RRM2B: variants seen among roughly 807,000 people sequenced by gnomAD.
RRM2B encodes the protein ribonucleoside-diphosphate reductase subunit M2 B.
In RRM2B, 20 loss-of-function variants were observed where a neutral mutation model predicts 45.9. The ratio of observed to expected loss-of-function variants is 0.44; its 90% CI spans 0.31 to 0.63. The LOEUF (loss-of-function observed/expected upper bound fraction) is 0.63, where lower values mean the gene tolerates loss of function less well. Ranked by LOEUF, RRM2B falls within the 30% of genes least tolerant of loss-of-function variation. The pLI, the probability that RRM2B is intolerant of heterozygous loss-of-function variation, is 0.09. For synonymous variants in RRM2B, 124 were observed against 132.3 expected (o/e 0.94, Z 0.43); for missense variants, 320 against 414.7 (o/e 0.77, Z 1.98).
intron 1 of RRM2B, among the ~76,000 whole-genome samples, chr8:102,233,291 A>G (rs144902658): frequency 6.6e-6 from 1 of 152,332 alleles, no homozygotes; most frequent in African/African-American, 2.4e-5. Flanking sequence ...CCAAAATACA[A>G]GCATACGGCT....
At position 102,215,979 on chromosome 8, in the gene RRM2B, C is replaced by T. The variant is rs955485493; in HGVS notation, c.685-1821G>A. Reference sequence around the variant, plus strand: ...AAAAAAAAAAAAAGAATAGAATAAACGGACAGAATCTTGTAAGAACACTTT... The same window carrying T: ...AAAAAAAAAAAAAGAATAGAATAAATGGACAGAATCTTGTAAGAACACTTT... On this transcript the variant is annotated intron_variant, in intron 6 of 8. Coordinates refer to ENST00000251810, the MANE Select transcript of RRM2B (RefSeq NM_015713.5). 6.9e-5 allele frequency among the ~76,000 whole-genome samples: 9 copies of T among 130,998 alleles called. No homozygotes were observed. In the Admixed American group the frequency reaches 6.9e-4, roughly 10 times the overall value. 85.9% of individuals were successfully genotyped at this position (130,998 alleles called of 152,430 possible). A position where few individuals can be genotyped will look rare whatever the true frequency, so the allele number is the denominator to read the frequency against.
intron 5 of RRM2B, among the ~76,000 whole-genome samples, chr8:102,219,404 C>T (rs556969934): frequency 6.6e-6 from 1 of 152,168 alleles, no homozygotes; most frequent in African/African-American, 2.4e-5. Flanking sequence ...ATCTTACAGA[C>T]CATCTGCAAA....
chr8:102,221,810 A>C (rs1331263301), intron 5 of RRM2B, among the ~76,000 whole-genome samples: 1 of 152,118 alleles, frequency 6.6e-6, no homozygotes, highest in Non-Finnish European at 1.5e-5. Context: ...GGGCCTGCTC[A>C]TCATTTTTCA....
In RRM2B at chr8:102,208,226, TG is replaced by T. The variant is rs1435623358; in HGVS notation, c.962del (p.Thr321LysfsTer47). On this transcript the variant is annotated frameshift_variant, in exon 9 of 9. Transcript: ENST00000251810. LOFTEE classifies it high-confidence loss of function. ...CTGAAACTCGTTTCTCAAAGAAATT[TG>T]TTTTTCCTTCTAAAGAAATGTTTTC... ...FMENISLEGK[T>X]NFFEKRVSEY... 2 of 1,604,844 alleles carry T rather than the reference TG, an allele frequency of 1.2e-6. No individual in the cohort carries two copies. The highest frequency in any genetic ancestry group is 1.7e-6 in the Non-Finnish European group (2 of 1,172,168).
intron 6 of RRM2B, among the ~76,000 whole-genome samples, chr8:102,215,045 T>TAAAAAAAAAAA (rs3063793): frequency 3.2e-5 from 2 of 61,778 alleles, no homozygotes; most frequent in East Asian, 4.7e-4. Flanking sequence ...AGCTAAATAT[T>TAAAAAAAAAAA]AAAAAAAAAA....
chr8:102,219,008 T>C (rs1810782424), intron 5 of RRM2B, 61 bp from the exon 6 acceptor site: 9 of 1,472,524 alleles, frequency 6.1e-6, no homozygotes, highest in Non-Finnish European at 8.5e-6. Context: ...CATATATATA[T>C]ATACACATAT....
chr8:102,238,451 G>A (rs1811162467), intron 1 of RRM2B: 15 of 1,015,832 alleles, frequency 1.5e-5, no homozygotes, highest in Middle Eastern at 3.8e-4. Flanking sequence ...CTCTCCAGCA[G>A]AGCCGCCACA....
Position 102,232,144 on chromosome 8 carries a change from C to T in RRM2B, c.204+5G>A, listed in dbSNP as rs372991229. The T allele has an allele frequency of 6.2e-7, 1 of 1,613,748 alleles. No individual in the cohort carries two copies. Among genetic ancestry groups the T allele is most frequent in the African/African-American group, 1.3e-5 (1 of 74,906 alleles). On this transcript the variant is annotated splice_donor_5th_base_variant and intron_variant, in intron 2 of 8. Transcript: ENST00000251810. ...GTGAATGCTCTTGGAGGCAATGCCA[C>T]GTACCTCTTCTGCTGTCCAGAAGGA...
chr8:102,229,259 AAAC>A (rs1189591645), intron 2 of RRM2B, among the ~76,000 whole-genome samples: 2 of 148,270 alleles, frequency 1.3e-5, no homozygotes, highest in South Asian at 2.1e-4. Flanking sequence ...CTCAAAAACA[AAAC>A]AACAACAACA....
chr8:102,236,079 C>G (rs1184200649), intron 1 of RRM2B, among the ~76,000 whole-genome samples: 1 of 152,132 alleles, frequency 6.6e-6, no homozygotes, highest in Non-Finnish European at 1.5e-5. Flanking sequence ...TTAAAACAGG[C>G]TGAAATGGAT....
At chr8:102,208,677 C>G (rs1810584127) in intron 8 of RRM2B, among the ~76,000 whole-genome samples, 1 of 152,106 alleles carries the variant, frequency 6.6e-6, no homozygotes, top group South Asian at 2.1e-4. Context: ...GTTAAATTAG[C>G]AACAATCCAC....
chr8:102,238,519 G>A (rs947391742), intron 1 of RRM2B: 52 of 1,437,998 alleles, frequency 3.6e-5, no homozygotes, highest in Non-Finnish European at 4.8e-5. Context: ...GAAGGAGGGT[G>A]GGAGAGCGTG....
rs757782342 is a variant in RRM2B, at chr8:102,238,912, C to A, written c.-38G>T. On this transcript the variant is annotated 5_prime_UTR_variant, in exon 1 of 9. Transcript: ENST00000251810. ...GCCGAAGCTACGGGCGCTGAGGGAA[C>A]TGAGCTCCTCAGGCCACCTCCAACT... The A allele has an allele frequency of 3.1e-6, 5 of 1,603,140 alleles. No homozygotes were observed. The South Asian group carries it at 4.4e-5, about 14-fold the overall frequency.
At chr8:102,238,030 A>G (rs561863768) in intron 1 of RRM2B, among the ~76,000 whole-genome samples, 55 of 152,346 alleles carry the variant, frequency 3.6e-4, no homozygotes, top group African/African-American at 1.3e-3. Context: ...TATTTGCAAA[A>G]TGACAGTGTT....
chr8:102,221,267 T>C (rs1324392920), intron 5 of RRM2B, among the ~76,000 whole-genome samples: 1 of 152,162 alleles, frequency 6.6e-6, no homozygotes, highest in Non-Finnish European at 1.5e-5. Flanking sequence ...TAGCTAAAAA[T>C]AAAGGCTTAT....
At chr8:102,226,080 T>A in intron 2 of RRM2B, 46 bp from the exon 3 acceptor site, 1 of 1,165,944 alleles carries the variant, frequency 8.6e-7, no homozygotes. Flanking sequence ...AGTTAAGTTC[T>A]TCTCAAAGTG....
At chr8:102,231,997 G>A (rs924927118) in intron 2 of RRM2B, 152 bp downstream of exon 2, 6 of 731,238 alleles carry the variant, frequency 8.2e-6, no homozygotes, top group Non-Finnish European at 1.2e-5. Context: ...CTAAAACATT[G>A]AGAACATCAT....
chr8:102,208,100 A>C lies in RRM2B; in HGVS notation c.*33T>G. 1 of 1,580,776 alleles carries C rather than the reference A, an allele frequency of 6.3e-7. No individual in the cohort carries two copies. Among genetic ancestry groups the C allele is most frequent in the Non-Finnish European group, 8.7e-7 (1 of 1,152,318 alleles). ...GAAAATAGACTACTATTTACCAATGACAAGTTTATAGAGTTTTAAAACGAG... is the reference window on the plus strand; with the variant it reads ...GAAAATAGACTACTATTTACCAATGCCAAGTTTATAGAGTTTTAAAACGAG... On this transcript the variant is annotated 3_prime_UTR_variant, in exon 9 of 9. Coordinates refer to ENST00000251810, the MANE Select transcript of RRM2B (RefSeq NM_015713.5).
intron 6 of RRM2B, among the ~76,000 whole-genome samples, chr8:102,216,913 G>C (rs1448912777): frequency 6.6e-6 from 1 of 151,978 alleles, no homozygotes; most frequent in African/African-American, 2.4e-5. Context: ...GCTGAAAATT[G>C]TTATAAAATT....
Sources: gnomAD v4.1 joint callset for allele counts (sites outside exome capture counted in the v4.1 genomes callset) on GRCh38, gnomAD v4.1.1 for gene constraint, MANE v1.5 for transcripts, NCBI Gene and HGNC (gene_info 2026-07-23, HGNC 2026-07-21) for gene names.